The following NRXN3 variants were observed in gnomAD, a reference collection of about 807,000 sequenced individuals.
NRXN3 encodes neurexin 3.
In NRXN3, 32 loss-of-function variants were observed where a neutral mutation model predicts 137.6. That is an observed-to-expected ratio of 0.23 (90% CI 0.18 to 0.31). NRXN3 has a LOEUF of 0.31. Ranked by LOEUF, NRXN3 falls within the 10% of genes least tolerant of loss-of-function variation. The pLI is 1.00. For missense variants in NRXN3, 1,574 were observed against 2,062.5 expected (o/e 0.76, Z 4.59); for synonymous variants, 798 against 784.5 (o/e 1.02, Z -0.29).
chr14:79,561,593 T>A (rs747519707), intron 16 of NRXN3, among the ~76,000 whole-genome samples: 1 of 152,152 alleles, frequency 6.6e-6, no homozygotes, highest in African/African-American at 2.4e-5. Flanking sequence ...TTATACACAT[T>A]ACTGTTATTT....
intron 1 of NRXN3, among the ~76,000 whole-genome samples, chr14:78,241,226 A>G (rs1021470958): frequency 6.6e-6 from 1 of 152,210 alleles, no homozygotes; most frequent in Non-Finnish European, 1.5e-5. Flanking sequence ...CTCTATAGCC[A>G]TACATACATC....
At chr14:78,384,468 G>GTTTA (rs2089633967) in intron 4 of NRXN3, among the ~76,000 whole-genome samples, 1 of 152,098 alleles carries the variant, frequency 6.6e-6, no homozygotes, top group South Asian at 2.1e-4. Context: ...TTGACCCTCA[G>GTTTA]TTTATTCATG....
At chr14:79,182,098 A>T (rs1426016508) in intron 15 of NRXN3, among the ~76,000 whole-genome samples, 1 of 152,108 alleles carries the variant, frequency 6.6e-6, no homozygotes, top group Non-Finnish European at 1.5e-5. Context: ...TAATAAAATG[A>T]TCAATATCAT....
At chr14:78,172,730 G>A (rs1237980157) in intron 1 of NRXN3, among the ~76,000 whole-genome samples, 5 of 152,046 alleles carry the variant, frequency 3.3e-5, no homozygotes, top group Non-Finnish European at 7.3e-5. Context: ...AAAAACAACC[G>A]GACTGTGCGA....
chr14:78,946,509 G>A (rs1372542689), intron 10 of NRXN3, among the ~76,000 whole-genome samples: 2 of 152,014 alleles, frequency 1.3e-5, no homozygotes, highest in East Asian at 1.9e-4. Context: ...TTTCATCTTC[G>A]CACCCCAGAA....
At chr14:78,177,854 G>A (rs1426914351) in intron 1 of NRXN3, 1 of 152,224 alleles carries the variant, frequency 6.6e-6, no homozygotes, top group Admixed American at 6.5e-5. Flanking sequence ...GAACTAACCA[G>A]GCCAGACCCT....
At chr14:79,030,341 G>A (rs912298498) in intron 15 of NRXN3, among the ~76,000 whole-genome samples, 2 of 151,864 alleles carry the variant, frequency 1.3e-5, no homozygotes, top group Non-Finnish European at 2.9e-5. Context: ...CTTCAGGATA[G>A]ACTGTTGTTA....
chr14:78,714,684 C>G, intron 7 of NRXN3, 72 bp from the exon 8 acceptor site: 1 of 1,545,606 alleles, frequency 6.5e-7, no homozygotes, highest in Non-Finnish European at 8.8e-7. Context: ...GGGCTCAGCA[C>G]TCACCTGTTA....
intron 10 of NRXN3, among the ~76,000 whole-genome samples, chr14:78,938,564 T>C (rs1310730212): frequency 1.3e-5 from 2 of 152,120 alleles, no homozygotes; most frequent in Non-Finnish European, 2.9e-5. Flanking sequence ...CTCAACCTTT[T>C]TTTATTTGAC....
At chr14:79,792,005 A>G (rs1162486222) in intron 19 of NRXN3, among the ~76,000 whole-genome samples, 2 of 152,204 alleles carry the variant, frequency 1.3e-5, no homozygotes, top group Non-Finnish European at 2.9e-5. Context: ...TGTCCGTGCT[A>G]TGCCACACTT....
In NRXN3 at chr14:78,243,618, A is replaced by G. The variant is rs770253903; in HGVS notation, c.525A>G (p.Leu175=). The part of the protein sequence containing the change: ...GVQAMPGFKG[L]ILDLKYGNSE... ...AGGCCATGCCCGGCTTCAAGGGGTTAATTCTGGATCTCAAGTATGGAAACT... is the reference window on the plus strand; with the variant it reads ...AGGCCATGCCCGGCTTCAAGGGGTTGATTCTGGATCTCAAGTATGGAAACT... Residue 175 remains leucine, a synonymous_variant, in exon 2 of 21, where the codon TTA becomes TTG. Coordinates refer to ENST00000335750, the MANE Select transcript of NRXN3 (RefSeq NM_001330195.2). The surrounding 1 kb of genome is among the most constrained non-coding windows in gnomAD (Gnocchi z 4.2). 2.4e-5 allele frequency: 38 copies of G among 1,598,278 alleles called. No individual in the cohort carries two copies. Among genetic ancestry groups the G allele is most frequent in the Middle Eastern group, 1.6e-4 (1 of 6,082 alleles).
At chr14:79,361,557 A>C (rs1471201294) in intron 15 of NRXN3, among the ~76,000 whole-genome samples, 4 of 152,122 alleles carry the variant, frequency 2.6e-5, no homozygotes, top group African/African-American at 9.7e-5. Flanking sequence ...TCTCTATAAA[A>C]AATATAAAAA....
chr14:78,722,400 A>C (rs530539046), intron 8 of NRXN3, among the ~76,000 whole-genome samples: 89 of 152,192 alleles, frequency 5.8e-4, no homozygotes, highest in Non-Finnish European at 8.2e-4. Flanking sequence ...ATCTGCCCAT[A>C]ATAATGCAAT....
At chr14:78,575,992 A>G (rs2096932206) in intron 4 of NRXN3, among the ~76,000 whole-genome samples, 1 of 152,258 alleles carries the variant, frequency 6.6e-6, no homozygotes, top group Admixed American at 6.5e-5. Context: ...TCACTGTTGC[A>G]AGATTGGGAA....
intron 19 of NRXN3, among the ~76,000 whole-genome samples, chr14:79,765,052 A>C (rs2099051635): frequency 6.6e-6 from 1 of 152,188 alleles, no homozygotes; most frequent in African/African-American, 2.4e-5. Flanking sequence ...ATGCACATTC[A>C]TGCACACCAC....
intron 15 of NRXN3, among the ~76,000 whole-genome samples, chr14:79,161,245 A>G (rs936875710): frequency 3.9e-5 from 6 of 151,932 alleles, no homozygotes; most frequent in Admixed American, 6.6e-5. Flanking sequence ...TCCAGGGAGC[A>G]TATTCCTACT....
chr14:78,470,906 A>G (rs76560721), intron 4 of NRXN3, among the ~76,000 whole-genome samples: 5,104 of 152,192 alleles, frequency 0.034, 328 homozygotes, highest in East Asian at 0.33. Context: ...TCTGACAGCA[A>G]CCTTCCGAAG....
intron 15 of NRXN3, among the ~76,000 whole-genome samples, chr14:79,454,405 A>T (rs1393715734): frequency 6.6e-6 from 1 of 152,048 alleles, no homozygotes; most frequent in Non-Finnish European, 1.5e-5. Flanking sequence ...TAGTAGAGAC[A>T]GGGTTTCTCC....
At chr14:79,270,491 G>A (rs544955179) in intron 15 of NRXN3, among the ~76,000 whole-genome samples, 1 of 152,250 alleles carries the variant, frequency 6.6e-6, no homozygotes. Flanking sequence ...ACTTGTCCAA[G>A]GAAACGATTG....
Sources: gnomAD v4.1 joint callset for allele counts (sites outside exome capture counted in the v4.1 genomes callset) on GRCh38, gnomAD v4.1.1 for gene constraint, Gnocchi (gnomAD v3.1) non-coding constraint, MANE v1.5 for transcripts, NCBI Gene and HGNC (gene_info 2026-07-23, HGNC 2026-07-21) for gene names.